The following CEP104 variants were observed in gnomAD, a reference collection of about 807,000 sequenced individuals.
CEP104 encodes the protein centrosomal protein of 104 kDa.
In CEP104, 84 loss-of-function variants were observed where a neutral mutation model predicts 113.3. That is an observed-to-expected ratio of 0.74 (90% CI 0.62 to 0.89). CEP104 has a LOEUF of 0.89. CEP104 is among the 40% of genes least tolerant of loss of function. CEP104 has a pLI of 0.00. For missense variants in CEP104, 1,053 were observed against 1,156.6 expected (o/e 0.91, Z 1.30); for synonymous variants, 378 against 421.7 (o/e 0.90, Z 1.27).
chr1:3,819,940 C>A lies in CEP104; in HGVS notation c.2571+3234G>T, dbSNP rs1044843383. ...GCTCCGGGTTGACAGCCCCCAAGAA[C>A]ATATTACTGCCAGCTGCTGGGATGA... On this transcript the variant is annotated intron_variant, in intron 20 of 21. Coordinates refer to ENST00000378230, the MANE Select transcript of CEP104 (RefSeq NM_014704.4). The surrounding 1 kb of genome is among the most constrained non-coding windows in gnomAD (Gnocchi z 4.6). Among the ~76,000 whole-genome samples the A allele has an allele frequency of 6.6e-6, 1 of 152,100 alleles. No homozygotes were observed. Among genetic ancestry groups the A allele is most frequent in the Non-Finnish European group, 1.5e-5 (1 of 68,012 alleles).
At chr1:3,854,674 G>T (rs544242375) in intron 1 of CEP104, among the ~76,000 whole-genome samples, 1 of 147,852 alleles carries the variant, frequency 6.8e-6, no homozygotes, top group South Asian at 2.1e-4. Context: ...TAGTAGAGAC[G>T]GGGTTTTGCC....
chr1:3,831,547 C>T (rs1295025027), intron 12 of CEP104, among the ~76,000 whole-genome samples: 5 of 152,208 alleles, frequency 3.3e-5, no homozygotes, highest in African/African-American at 1.2e-4. Flanking sequence ...AAAAGGTTTT[C>T]TCATTTCTAA....
chr1:3,852,910 A>G (rs1644643702), intron 1 of CEP104, among the ~76,000 whole-genome samples: 4 of 151,958 alleles, frequency 2.6e-5, no homozygotes, highest in African/African-American at 9.7e-5. Flanking sequence ...CCGGCCAAGG[A>G]CGGCTGAGGA....
At chr1:3,854,357 C>A (rs944450112) in intron 1 of CEP104, among the ~76,000 whole-genome samples, 5 of 152,102 alleles carry the variant, frequency 3.3e-5, no homozygotes, top group African/African-American at 1.2e-4. Context: ...GGGATCAATG[C>A]GCCAACTCTC....
rs943361928 is a variant in CEP104 at position 3,819,362 on chromosome 1, G to C, written c.2572-2992C>G. 2.6e-5 allele frequency among the ~76,000 whole-genome samples: 4 copies of C among 152,146 alleles called. 1 individual carries two copies. Among genetic ancestry groups the C allele is most frequent in the African/African-American group, 9.7e-5 (4 of 41,426 alleles). Reference sequence around the variant, plus strand: ...GCATGTAGGCAGTGTTGTCTTTTGGGTGATGGAAAAGTTCCACACGTGTGC... The same window carrying C: ...GCATGTAGGCAGTGTTGTCTTTTGGCTGATGGAAAAGTTCCACACGTGTGC... On this transcript the variant is annotated intron_variant, in intron 20 of 21. Coordinates refer to ENST00000378230, the MANE Select transcript of CEP104 (RefSeq NM_014704.4). The surrounding 1 kb of genome is among the most constrained non-coding windows in gnomAD (Gnocchi z 4.6).
rs979583114 is a variant in CEP104 at position 3,819,254 on chromosome 1, T to C, written c.2572-2884A>G. ...TGTCTGATTCCATTTACAGGAAATG[T>C]CCACAGTAGGCAAATCCATGGAGAC... On this transcript the variant is annotated intron_variant, in intron 20 of 21. Transcript: ENST00000378230. This position sits in a 1 kb window ranked among gnomAD's most constrained non-coding sequence, Gnocchi z 4.6. 7.2e-5 allele frequency among the ~76,000 whole-genome samples: 11 copies of C among 152,124 alleles called. No homozygotes were observed. The highest frequency in any genetic ancestry group is 1.3e-4 in the Non-Finnish European group (9 of 68,020).
At chr1:3,844,370 G>T (rs1644467905) in intron 6 of CEP104, among the ~76,000 whole-genome samples, 1 of 152,136 alleles carries the variant, frequency 6.6e-6, no homozygotes, top group Non-Finnish European at 1.5e-5. Context: ...CACTTTGGGA[G>T]GCTGAGGCAG....
chr1:3,818,063 G>A (rs796135643), intron 20 of CEP104, among the ~76,000 whole-genome samples: 59 of 152,346 alleles, frequency 3.9e-4, no homozygotes, highest in African/African-American at 1.2e-3. Context: ...GCAAGAGCCA[G>A]GCGGCTGCGA....
In CEP104 at chr1:3,848,622, C is replaced by T. The variant is rs556929251; in HGVS notation, c.273G>A (p.Arg91=). Residue 91 remains arginine (R), a synonymous_variant, in exon 3 of 22, where the codon CGG becomes CGA. Coordinates refer to ENST00000378230, the MANE Select transcript of CEP104 (RefSeq NM_014704.4). ...PEYFAPYQAE[R]FRRLGYVSLC... ...TTCATTCTTACCCAAGTCTTCGAAA[C>T]CGCTCTGCTTGATAGGGTGCAAAAT... 2 of 1,610,782 alleles carry T rather than the reference C, an allele frequency of 1.2e-6. No individual in the cohort carries two copies. The highest frequency in any genetic ancestry group is 8.5e-7 in the Non-Finnish European group (1 of 1,179,066).
intron 12 of CEP104, 35 bp downstream of exon 12, chr1:3,833,827 A>G: frequency 6.2e-7 from 1 of 1,605,452 alleles, no homozygotes; most frequent in Non-Finnish European, 8.5e-7. Context: ...TATGTTTATC[A>G]TCTACGGTTT....
chr1:3,848,184 G>C (rs1409358127), intron 3 of CEP104, among the ~76,000 whole-genome samples: 1 of 152,124 alleles, frequency 6.6e-6, no homozygotes, highest in East Asian at 1.9e-4. Context: ...GTGTACTCTT[G>C]AACCAAATAG....
chr1:3,838,430 C>T (rs568947692), intron 8 of CEP104, among the ~76,000 whole-genome samples: 2 of 152,084 alleles, frequency 1.3e-5, no homozygotes, highest in Non-Finnish European at 1.5e-5. Flanking sequence ...GGATTACAGG[C>T]GTGAGCCACC....
intron 18 of CEP104, among the ~76,000 whole-genome samples, chr1:3,825,244 C>G (rs1046062732): frequency 6.6e-6 from 1 of 152,188 alleles, no homozygotes; most frequent in Non-Finnish European, 1.5e-5. Context: ...CACTGAGCAT[C>G]AGCACACCTG....
chr1:3,826,700 T>G lies in CEP104; in HGVS notation c.2188+8A>C. The G allele has an allele frequency of 1.2e-6, 2 of 1,614,118 alleles. No homozygotes were observed. Among genetic ancestry groups the G allele is most frequent in the Non-Finnish European group, 1.7e-6 (2 of 1,179,936 alleles). On this transcript the variant is annotated splice_region_variant and intron_variant, in intron 16 of 21. Coordinates refer to ENST00000378230, the MANE Select transcript of CEP104 (RefSeq NM_014704.4). Reference sequence around the variant, plus strand: ...CCAGTTCTTTGTGCACCCCAATTCTTTACATACCCTGATTCTTTGGCTTCA... The same window carrying G: ...CCAGTTCTTTGTGCACCCCAATTCTGTACATACCCTGATTCTTTGGCTTCA...
chr1:3,842,171 T>C (rs954555483), intron 6 of CEP104, among the ~76,000 whole-genome samples: 1 of 152,320 alleles, frequency 6.6e-6, no homozygotes, highest in Admixed American at 6.5e-5. Context: ...CGCTGCAAGC[T>C]CCGCCTCACG....
chr1:3,845,049 CA>C (rs1644483205), intron 5 of CEP104, 66 bp from the exon 6 acceptor site: 1 of 1,325,270 alleles, frequency 7.5e-7, no homozygotes, highest in Non-Finnish European at 1.1e-6. Context: ...ACCTTAACTA[CA>C]AGATTTATTT....
At chr1:3,837,752 C>T (rs187173535) in intron 8 of CEP104, among the ~76,000 whole-genome samples, 1 of 152,356 alleles carries the variant, frequency 6.6e-6, no homozygotes, top group Non-Finnish European at 1.5e-5. Flanking sequence ...GTGTTGACTA[C>T]AAAAGTGACA....
At position 3,847,566 on chromosome 1, in the gene CEP104, T is replaced by A; in HGVS notation, c.335A>T (p.Glu112Val). 1.2e-6 allele frequency: 2 copies of A among 1,614,010 alleles called. No individual in the cohort carries two copies. The highest frequency in any genetic ancestry group is 1.7e-6 in the Non-Finnish European group (2 of 1,179,958). Residue 112 changes from glutamate (E) to valine (V), a missense_variant, in exon 4 of 22, where the codon GAA becomes GTA. Coordinates refer to ENST00000378230, the MANE Select transcript of CEP104 (RefSeq NM_014704.4). ...TGCATCCACATAAACTGATTTTAGT[T>A]CCCGGGCTTTGCAACCTGTCTTTTC... ...DNEKTGCKAR[E>V]LKSVYVDAVG... is the part of the protein sequence containing the mutation.
chr1:3,847,757 TTGAATAAAAGCTAAGTCTAGAA>T (rs1453603336), intron 3 of CEP104, 144 bp from the exon 4 acceptor site: 1 of 777,630 alleles, frequency 1.3e-6, no homozygotes, highest in African/African-American at 1.8e-5. Context: ...ATCAACAGGT[TTGAATAAAAGCTAAGTCTAGAA>T]TGAAAAACCT....
Sources: allele counts gnomAD v4.1 joint callset (sites outside exome capture counted in the v4.1 genomes callset), GRCh38; gene constraint gnomAD v4.1.1; non-coding constraint Gnocchi (gnomAD v3.1); transcripts MANE v1.5; gene names NCBI Gene and HGNC (gene_info 2026-07-23, HGNC 2026-07-21).